The following MLIP variants were observed in gnomAD, a reference collection of about 807,000 sequenced individuals.
MLIP encodes muscular LMNA interacting protein.
Under a neutral mutation model 84.8 loss-of-function variants are expected in MLIP, and 79 were observed. The ratio of observed to expected loss-of-function variants is 0.93; its 90% CI spans 0.78 to 1.12. The LOEUF (loss-of-function observed/expected upper bound fraction) is 1.12. MLIP is among the 50% of genes most tolerant of loss of function. MLIP has a pLI of 0.00. For missense variants in MLIP, 1,257 were observed against 1,160.6 expected (o/e 1.08, Z -1.21); for synonymous variants, 504 against 463.0 (o/e 1.09, Z -1.14).
Position 54,137,143 on chromosome 6 carries a change from G to A in MLIP, c.1074G>A (p.Ser358=), listed in dbSNP as rs1032622321. ...SPPSSSASLK[S]NSASYIPVRI... ...CGTCCTCCAGTGCTTCTCTGAAGTC[G>A]AATTCGGCCTCGTACATACCAGTCC... The change falls in exon 4 of 14, where the codon TCG becomes TCA. Residue 358 remains serine, a synonymous_variant. Transcript: ENST00000502396. 3 of 1,536,034 alleles carry A rather than the reference G, an allele frequency of 2.0e-6. No homozygotes were observed. Among genetic ancestry groups the A allele is most frequent in the Middle Eastern group, 1.7e-4 (1 of 5,990 alleles).
intron 11 of MLIP, among the ~76,000 whole-genome samples, chr6:54,223,287 C>T (rs1387260273): frequency 9.9e-6 from 1 of 101,370 alleles, no homozygotes; most frequent in East Asian, 2.9e-4. Context: ...TGTTCTTTTG[C>T]TGTCGTATCA....
At chr6:54,223,870 A>G (rs528199917) in intron 11 of MLIP, among the ~76,000 whole-genome samples, 1 of 152,194 alleles carries the variant, frequency 6.6e-6, no homozygotes, top group East Asian at 1.9e-4. Flanking sequence ...AGCTAATGAA[A>G]TCATTATTTT....
intron 12 of MLIP, among the ~76,000 whole-genome samples, chr6:54,251,610 CAT>C (rs375901929): frequency 1.1e-5 from 1 of 88,908 alleles, no homozygotes; most frequent in South Asian, 3.2e-4. Flanking sequence ...TATATTATAA[CAT>C]ATAATATATA....
chr6:54,216,282 T>C, intron 11 of MLIP: 1 of 985,454 alleles, frequency 1.0e-6, no homozygotes, highest in Non-Finnish European at 1.2e-6. Context: ...TATGAGCAAT[T>C]GTAGAAGCCT....
intron 10 of MLIP, among the ~76,000 whole-genome samples, chr6:54,194,893 GT>G (rs1778189397): frequency 2.0e-5 from 3 of 151,746 alleles, no homozygotes; most frequent in Admixed American, 2.0e-4. Flanking sequence ...ATGCCATAGT[GT>G]TTTGAGATTT....
chr6:54,035,133 A>G (rs1245209175), intron 1 of MLIP, among the ~76,000 whole-genome samples: 1 of 152,160 alleles, frequency 6.6e-6, no homozygotes, highest in Non-Finnish European at 1.5e-5. Flanking sequence ...CAGTTTGTGT[A>G]AGTTTACTCC....
chr6:54,083,770 C>A (rs1485028745), intron 1 of MLIP, among the ~76,000 whole-genome samples: 57 of 152,208 alleles, frequency 3.7e-4, no homozygotes, highest in Admixed American at 3.7e-3. Flanking sequence ...TGGTATCAGA[C>A]AACAGATGTT....
chr6:54,152,728 G>A (rs1336826225), intron 5 of MLIP, among the ~76,000 whole-genome samples: 5 of 152,178 alleles, frequency 3.3e-5, no homozygotes, highest in South Asian at 4.2e-4. Context: ...GAAAGTTAAA[G>A]GTCTCGCTTT....
upstream of MLIP, among the ~76,000 whole-genome samples, chr6:54,108,544 A>G (rs575222728): frequency 6.6e-6 from 1 of 152,282 alleles, no homozygotes; most frequent in African/African-American, 2.4e-5. Context: ...ATAATGCATG[A>G]CCATTTATGT....
chr6:54,161,069 A>G (rs1774591371), intron 8 of MLIP, among the ~76,000 whole-genome samples: 1 of 151,974 alleles, frequency 6.6e-6, no homozygotes, highest in Non-Finnish European at 1.5e-5. Flanking sequence ...GGTCCAGTTC[A>G]AAACAGTTTG....
At chr6:54,049,274 A>G (rs999140460) in intron 1 of MLIP, among the ~76,000 whole-genome samples, 1 of 152,160 alleles carries the variant, frequency 6.6e-6, no homozygotes, top group Non-Finnish European at 1.5e-5. Flanking sequence ...TCCAACATAC[A>G]GTAATGGCTG....
intron 5 of MLIP, among the ~76,000 whole-genome samples, chr6:54,152,995 A>T (rs983189442): frequency 6.6e-6 from 1 of 152,010 alleles, no homozygotes; most frequent in Non-Finnish European, 1.5e-5. Context: ...TTACTTCCTC[A>T]TAAGTATTTC....
intron 1 of MLIP, among the ~76,000 whole-genome samples, chr6:54,115,911 T>C (rs1299085388): frequency 6.6e-6 from 1 of 152,224 alleles, no homozygotes; most frequent in East Asian, 1.9e-4. Flanking sequence ...GTTTTAGTTA[T>C]AACTAGAAAG....
chr6:54,196,491 C>G (rs956828418), intron 10 of MLIP, among the ~76,000 whole-genome samples: 2 of 152,212 alleles, frequency 1.3e-5, no homozygotes, highest in South Asian at 4.2e-4. Flanking sequence ...CAGCTCCATT[C>G]ATGTCCCTGC....
chr6:54,176,370 G>A (rs1018376067), intron 9 of MLIP, among the ~76,000 whole-genome samples: 1 of 151,786 alleles, frequency 6.6e-6, no homozygotes, highest in African/African-American at 2.4e-5. Flanking sequence ...TGGGTCCCGG[G>A]CTTTGCTTTA....
chr6:54,237,694 A>G (rs2150825532), intron 12 of MLIP, among the ~76,000 whole-genome samples: 1 of 151,570 alleles, frequency 6.6e-6, no homozygotes, highest in African/African-American at 2.4e-5. Flanking sequence ...AAAAAAAAAA[A>G]AAAAAATTAG....
rs183016391 is a variant in MLIP, at chr6:54,150,493, G to A, written c.2289+1366G>A. On this transcript the variant is annotated intron_variant, in intron 5 of 13. Transcript: ENST00000502396. ...ACAGACTCTCTGCTTATTTTGGATG[G>A]CGATTTCTGGAACCTGGTCACAAGT... is the stretch of plus-strand genomic sequence containing the variant. 2.0e-5 allele frequency among the ~76,000 whole-genome samples: 3 copies of A among 152,298 alleles called. No individual in the cohort carries two copies. In the East Asian group the frequency reaches 5.8e-4, roughly 29 times the overall value.
chr6:54,233,547 A>G (rs1001488061), intron 12 of MLIP, among the ~76,000 whole-genome samples: 5 of 152,170 alleles, frequency 3.3e-5, no homozygotes, highest in Admixed American at 2.6e-4. Context: ...CATGGTGTAT[A>G]TGTGCCACAT....
chr6:54,169,749 G>A (rs816388), intron 9 of MLIP, among the ~76,000 whole-genome samples, 177 bp downstream of exon 9: 40,310 of 151,378 alleles, frequency 0.27, 5,496 homozygotes, highest in Admixed American at 0.33. Context: ...AAAACATCAG[G>A]TAAGCTTATC....
Sources: allele counts gnomAD v4.1 joint callset (sites outside exome capture counted in the v4.1 genomes callset), GRCh38; gene constraint gnomAD v4.1.1; transcripts MANE v1.5; gene names NCBI Gene and HGNC (gene_info 2026-07-23, HGNC 2026-07-21).